ZNF518A: variants seen among roughly 807,000 people sequenced by gnomAD.
The protein encoded by ZNF518A is zinc finger protein 518A, also known as zinc finger protein 518.
A neutral mutation model predicts 102.7 loss-of-function variants in ZNF518A; 47 were observed. That is an observed-to-expected ratio of 0.46 (90% CI 0.36 to 0.58). ZNF518A has a LOEUF of 0.58. Ranked by LOEUF, ZNF518A falls within the 20% of genes least tolerant of loss-of-function variation. The pLI is 0.00. For missense variants in ZNF518A, 1,793 were observed against 1,699.8 expected (o/e 1.05, Z -0.96); for synonymous variants, 652 against 594.6 (o/e 1.10, Z -1.40).
chr10:96,145,270 A>C (rs2082118744), intron 3 of ZNF518A, among the ~76,000 whole-genome samples: 1 of 152,140 alleles, frequency 6.6e-6, no homozygotes, highest in Non-Finnish European at 1.5e-5. Context: ...GGGTTTCACC[A>C]TGTTGGTCAG....
chr10:96,155,628 C>G (rs1307828828), intron 4 of ZNF518A: 3 of 152,088 alleles, frequency 2.0e-5, no homozygotes, highest in African/African-American at 7.2e-5. Context: ...TAAGCAGATA[C>G]CGTCTTTGGT....
At chr10:96,204,252 ATAAG>A (rs2083736925), downstream of ZNF518A, 1 of 816,262 alleles carries the variant, frequency 1.2e-6, no homozygotes, top group Admixed American at 2.2e-5. Flanking sequence ...AACCTTAAAG[ATAAG>A]TAAGACTCTT....
intron 1 of ZNF518A, among the ~76,000 whole-genome samples, chr10:96,185,120 C>T (rs906162630): frequency 6.6e-6 from 1 of 152,150 alleles, no homozygotes; most frequent in African/African-American, 2.4e-5. Context: ...TCATGCATCA[C>T]GTAGTTCTCG....
At chr10:96,203,094 G>T (rs1439238999) in intron 1 of ZNF518A, among the ~76,000 whole-genome samples, 2 of 152,138 alleles carry the variant, frequency 1.3e-5, no homozygotes, top group East Asian at 3.8e-4. Flanking sequence ...TAAGTTTCAT[G>T]AGGACAGGGT....
chr10:96,189,953 C>T (rs1308148531), intron 1 of ZNF518A: 2 of 911,890 alleles, frequency 2.2e-6, no homozygotes, highest in East Asian at 2.4e-5. Flanking sequence ...TTCAAAGACC[C>T]CAAGGGAAAC....
At chr10:96,186,604 G>A (rs1322155723) in intron 1 of ZNF518A, among the ~76,000 whole-genome samples, 2 of 152,120 alleles carry the variant, frequency 1.3e-5, no homozygotes, top group African/African-American at 4.8e-5. Flanking sequence ...CACCATGTTG[G>A]CCAAGATGGT....
At position 96,190,956 on chromosome 10, in the gene ZNF518A, G is replaced by A. The variant is rs143554706; in HGVS notation, n.36-12618G>A. On this transcript the variant is annotated intron_variant and non_coding_transcript_variant, in intron 1 of 2. Coordinates refer to the ZNF518A transcript ENST00000442635. Reference sequence around the variant, plus strand: ...CTTTGAAACTTGATATGGTTTGGCTGTGTCCTCACCCAAATCTCATCTTGA... The same window carrying A: ...CTTTGAAACTTGATATGGTTTGGCTATGTCCTCACCCAAATCTCATCTTGA... 5.3e-3 allele frequency among the ~76,000 whole-genome samples: 805 copies of A among 152,298 alleles called. 4 individuals carry two copies. The highest frequency in any genetic ancestry group is 8.3e-3 in the Non-Finnish European group (568 of 68,028).
In ZNF518A at chr10:96,161,911, A is replaced by C. The variant is rs782014486; in HGVS notation, c.*1137A>C. 1 of 167,110 alleles carries C rather than the reference A, an allele frequency of 6.0e-6. No individual in the cohort carries two copies. The allele number at this position is 167,110 out of a possible 1,614,324, so 10.4% of individuals were successfully genotyped here. A position where few individuals can be genotyped will look rare whatever the true frequency, so the allele number is the denominator to read the frequency against. On this transcript the variant is annotated 3_prime_UTR_variant, in exon 6 of 6. Coordinates refer to ENST00000316045, the MANE Select transcript of ZNF518A (RefSeq NM_001330736.2). ...CAGAGGCAGTGCATAAAACCTTAGG[A>C]TAGATTCCTAAGGGACATGCCCAAC...
At chr10:96,149,338 T>C (rs1345114473) in intron 3 of ZNF518A, among the ~76,000 whole-genome samples, 6 of 152,170 alleles carry the variant, frequency 3.9e-5, no homozygotes, top group African/African-American at 7.2e-5. Flanking sequence ...TTGTGTCTCA[T>C]GTATATGGTC....
At chr10:96,185,661 G>T (rs899563480) in intron 1 of ZNF518A, among the ~76,000 whole-genome samples, 2 of 152,232 alleles carry the variant, frequency 1.3e-5, no homozygotes, top group Non-Finnish European at 2.9e-5. Flanking sequence ...AAATATTGCT[G>T]CCTGATCCTT....
intron 1 of ZNF518A, among the ~76,000 whole-genome samples, chr10:96,199,697 G>A (rs1466294525): frequency 2.0e-5 from 3 of 152,160 alleles, no homozygotes; most frequent in East Asian, 1.9e-4. Flanking sequence ...GTCTATTACA[G>A]GCTGAGGGCA....
chr10:96,157,759 C>T lies in ZNF518A; in HGVS notation c.1437C>T (p.Asp479=), dbSNP rs1554883790. The T allele has an allele frequency of 1.4e-5, 22 of 1,613,704 alleles. No individual in the cohort carries two copies. In the East Asian group the frequency reaches 1.6e-4, roughly 11 times the overall value. ...GCTCACAGTCAGGTGCTGCAAAGGA[C>T]GGTACTGCTAATTTGCAGCCCCAGA... ...SPGSQSGAAK[D]GTANLQPQTL... The change falls in exon 6 of 6, where the codon GAC becomes GAT. Residue 479 remains aspartate (D), a synonymous_variant. Transcript: ENST00000316045.
At chr10:96,185,827 G>A (rs1262226355) in intron 1 of ZNF518A, among the ~76,000 whole-genome samples, 2 of 152,208 alleles carry the variant, frequency 1.3e-5, no homozygotes, top group African/African-American at 2.4e-5. Flanking sequence ...GCCCCCAGGG[G>A]TGGAGTCTAC....
Position 96,157,210 on chromosome 10 carries a change from A to G in ZNF518A, c.888A>G (p.Glu296=). 1 of 1,609,988 alleles carries G rather than the reference A, an allele frequency of 6.2e-7. No individual in the cohort carries two copies. The highest frequency in any genetic ancestry group is 1.1e-5 in the South Asian group (1 of 90,124). Residue 296 remains glutamate, a synonymous_variant, in exon 6 of 6, where the codon GAA becomes GAG. Transcript: ENST00000316045. The stretch of plus-strand genomic sequence containing the variant: ...ATTTATATGCAAAAGAAAAACTGGA[A>G]AAAGACAAATATGAAAAAAGAATGG... ...KEHLYAKEKL[E]KDKYEKRMAK...
downstream of ZNF518A, among the ~76,000 whole-genome samples, chr10:96,167,274 A>G (rs1385174363): frequency 5.3e-5 from 8 of 152,240 alleles, no homozygotes; most frequent in African/African-American, 1.9e-4. Flanking sequence ...CAGCCTGGCC[A>G]AAATGGTGAA....
At chr10:96,203,929 C>G (rs1554896790) in exon 3 of ZNF518A, 2 of 694,466 alleles carry the variant, frequency 2.9e-6, no homozygotes, top group East Asian at 5.4e-5. Flanking sequence ...GGTAAGGAAA[C>G]AAGTGGGAGA....
intron 3 of ZNF518A, among the ~76,000 whole-genome samples, chr10:96,137,038 C>A (rs2081629006): frequency 6.6e-6 from 1 of 152,226 alleles, no homozygotes; most frequent in Non-Finnish European, 1.5e-5. Context: ...TTTACAAAAA[C>A]AGGCAGCAGG....
Position 96,157,871 on chromosome 10 carries a change from T to G in ZNF518A, c.1549T>G (p.Ser517Ala). The change falls in exon 6 of 6, where the codon TCA becomes GCA. Residue 517 changes from serine to alanine, a missense_variant. Coordinates refer to ENST00000316045, the MANE Select transcript of ZNF518A (RefSeq NM_001330736.2). The stretch of plus-strand genomic sequence containing the variant: ...GAAAGCAGCTACTCCATTTTCATGT[T>G]CATCTTCTATACTTTCAGGGAAAGC... ...YMKAATPFSC[S>A]SSILSGKASS... The G allele has an allele frequency of 2.5e-6, 4 of 1,613,932 alleles. No individual in the cohort carries two copies. The highest frequency in any genetic ancestry group is 2.5e-6 in the Non-Finnish European group (3 of 1,179,808).
intron 1 of ZNF518A, among the ~76,000 whole-genome samples, chr10:96,187,645 T>C (rs2083280346): frequency 6.6e-6 from 1 of 152,212 alleles, no homozygotes; most frequent in Non-Finnish European, 1.5e-5. Context: ...TGAAAATCTT[T>C]CCTACTACCA....
Sources: allele counts gnomAD v4.1 joint callset (sites outside exome capture counted in the v4.1 genomes callset), GRCh38; gene constraint gnomAD v4.1.1; transcripts MANE v1.5; gene names NCBI Gene and HGNC (gene_info 2026-07-23, HGNC 2026-07-21).